SGK1: variants seen among roughly 807,000 people sequenced by gnomAD.
The protein encoded by SGK1 is serum/glucocorticoid regulated kinase 1.
SGK1 carries 26 observed loss-of-function variants against 64.2 expected under a neutral mutation model. The ratio of observed to expected loss-of-function variants is 0.40; its 90% CI spans 0.30 to 0.56. SGK1 has a LOEUF of 0.56. Ranked by LOEUF, SGK1 falls within the 20% of genes least tolerant of loss-of-function variation. The pLI, the probability that SGK1 is intolerant of heterozygous loss-of-function variation, is 0.38. For missense variants in SGK1, 519 were observed against 645.6 expected (o/e 0.80, Z 2.12); for synonymous variants, 265 against 239.7 (o/e 1.11, Z -0.98).
At chr6:134,269,799 C>G (rs912202119) in intron 1 of SGK1, among the ~76,000 whole-genome samples, 2 of 148,296 alleles carry the variant, frequency 1.3e-5, no homozygotes, top group African/African-American at 4.9e-5. Flanking sequence ...CACACTGATA[C>G]TGGAGCCTGA....
rs71003676 is a variant in SGK1 at position 134,206,338 on chromosome 6, GATATATATAT to G, written c.361+1008_361+1017del. On this transcript the variant is annotated intron_variant, in intron 3 of 13. Transcript: ENST00000367858. The stretch of plus-strand genomic sequence containing the variant: ...CACAATCCACAAAGCTGTACCTGAT[GATATATATAT>G]ATATATATATATATATATATATATA... Among the ~76,000 whole-genome samples, 180 of 32,586 alleles carry G rather than the reference GATATATATAT, an allele frequency of 5.5e-3. 1 individual carries two copies. Among genetic ancestry groups the G allele is most frequent in the African/African-American group, 0.012 (146 of 11,750 alleles). 21.4% of individuals were successfully genotyped at this position (32,586 alleles called of 152,430 possible).
intron 3 of SGK1, among the ~76,000 whole-genome samples, chr6:134,192,184 C>G (rs1057054216): frequency 2.0e-5 from 3 of 151,960 alleles, no homozygotes; most frequent in African/African-American, 7.2e-5. Context: ...GGGCTGGTCT[C>G]CAACTCCTGA....
chr6:134,286,442 C>T (rs948050492), intron 1 of SGK1, among the ~76,000 whole-genome samples: 1 of 151,830 alleles, frequency 6.6e-6, no homozygotes, highest in Middle Eastern at 3.4e-3. Context: ...GGTGACAGAG[C>T]ACAGAGCAAG....
At chr6:134,198,685 C>T (rs144471361) in intron 3 of SGK1, among the ~76,000 whole-genome samples, 1,731 of 142,094 alleles carry the variant, frequency 0.012, 20 homozygotes, top group Middle Eastern at 0.082. Flanking sequence ...TATGGATATA[C>T]CACTTTATAG....
chr6:134,174,344 A>G (rs1297466140), intron 4 of SGK1, 167 bp downstream of exon 4: 3 of 625,584 alleles, frequency 4.8e-6, no homozygotes, highest in Non-Finnish European at 8.3e-6. Context: ...AAATCAGCAA[A>G]TTAACTTTAA....
chr6:134,172,697 G>A lies in SGK1; in HGVS notation c.912C>T (p.Ala304=). Residue 304 remains alanine (A), a synonymous_variant, in exon 9 of 14, where the codon GCC becomes GCT. Coordinates refer to ENST00000367858, the MANE Select transcript of SGK1 (RefSeq NM_001143676.3). ...TGTTCAGTGAATGCAGGTAGCCCAA[G>A]GCACTGGCTATTTCAGCAGCATAGA... The part of the protein sequence containing the change: ...ARFYAAEIAS[A]LGYLHSLNIV... 1 of 1,613,726 alleles carries A rather than the reference G, an allele frequency of 6.2e-7. No individual in the cohort carries two copies. Among genetic ancestry groups the A allele is most frequent in the Non-Finnish European group, 8.5e-7 (1 of 1,179,610 alleles).
At chr6:134,219,262 T>C (rs572393930) in intron 2 of SGK1, among the ~76,000 whole-genome samples, 2 of 152,134 alleles carry the variant, frequency 1.3e-5, no homozygotes, top group South Asian at 4.1e-4. Context: ...TCCACCCGCC[T>C]TGGCCTCCCA....
In SGK1 at chr6:134,232,449, A is replaced by AAG. The variant is rs1457959926; in HGVS notation, c.286-25020_286-25019dup. Among the ~76,000 whole-genome samples the AAG allele has an allele frequency of 6.8e-5, 4 of 58,798 alleles. 1 individual carries two copies. Among genetic ancestry groups the AAG allele is most frequent in the African/African-American group, 2.2e-4 (4 of 18,298 alleles). 38.6% of individuals were successfully genotyped at this position (58,798 alleles called of 152,430 possible). ...AAAGAAAGAAAGAAAGAAAGAAAGA[A>AAG]AGAAAGAAAGAAAGAAAGAAAGAAA... On this transcript the variant is annotated intron_variant, in intron 2 of 13. Coordinates refer to ENST00000367858, the MANE Select transcript of SGK1 (RefSeq NM_001143676.3).
chr6:134,219,232 GAACAC>G (rs1776039258), intron 2 of SGK1, among the ~76,000 whole-genome samples: 1 of 151,682 alleles, frequency 6.6e-6, no homozygotes, highest in South Asian at 2.1e-4. Flanking sequence ...GGCTGGTCTT[GAACAC>G]CTGACTTCAA....
intron 1 of SGK1, among the ~76,000 whole-genome samples, chr6:134,266,606 ACT>A (rs1006967818): frequency 6.6e-5 from 10 of 151,910 alleles, no homozygotes; most frequent in African/African-American, 2.4e-4. Flanking sequence ...AAAGAAGGAG[ACT>A]CTGTCTCAAA....
chr6:134,294,234 A>G (rs1777307525), intron 1 of SGK1, among the ~76,000 whole-genome samples: 1 of 152,120 alleles, frequency 6.6e-6, no homozygotes, highest in African/African-American at 2.4e-5. Flanking sequence ...TTGTGATGAA[A>G]TATACATCAC....
At chr6:134,252,025 G>C (rs554738785) in intron 2 of SGK1, among the ~76,000 whole-genome samples, 4 of 152,294 alleles carry the variant, frequency 2.6e-5, no homozygotes, top group African/African-American at 9.6e-5. Context: ...CCAAAGTGTT[G>C]CGATAACAGG....
At chr6:134,208,384 T>C (rs1450111503) in intron 2 of SGK1, among the ~76,000 whole-genome samples, 1 of 152,170 alleles carries the variant, frequency 6.6e-6, no homozygotes. Context: ...TTTTCATTTT[T>C]AAAAAAATTT....
rs138778109 is a variant in SGK1, at chr6:134,216,926, C to T, written c.286-9495G>A. 1.8e-3 allele frequency among the ~76,000 whole-genome samples: 267 copies of T among 152,230 alleles called. 4 individuals carry two copies. Among genetic ancestry groups the T allele is most frequent in the Non-Finnish European group, 1.3e-3 (89 of 68,014 alleles). On this transcript the variant is annotated intron_variant, in intron 2 of 13. Coordinates refer to ENST00000367858, the MANE Select transcript of SGK1 (RefSeq NM_001143676.3). ...CTCAACAAGGCACATTTGGGCAACA[C>T]TTGGTTGAGCAATTCCATGGGAGTG...
At chr6:134,286,124 A>G (rs1777179614) in intron 1 of SGK1, among the ~76,000 whole-genome samples, 1 of 152,240 alleles carries the variant, frequency 6.6e-6, no homozygotes, top group African/African-American at 2.4e-5. Flanking sequence ...CTAATATTTT[A>G]ATCTATTTAT....
intron 2 of SGK1, among the ~76,000 whole-genome samples, chr6:134,219,615 C>T (rs2114700119): frequency 6.6e-6 from 1 of 151,728 alleles, no homozygotes; most frequent in East Asian, 2.0e-4. Context: ...ATAAAAATAG[C>T]CGGGCGTAGT....
chr6:134,214,638 T>C (rs890684263), intron 2 of SGK1, among the ~76,000 whole-genome samples: 1 of 64,552 alleles, frequency 1.5e-5, no homozygotes, highest in African/African-American at 4.4e-5. Flanking sequence ...AATGACAGCA[T>C]GTACATTCTG....
intron 2 of SGK1, among the ~76,000 whole-genome samples, chr6:134,232,489 GAAAA>G (rs1253878233): frequency 3.4e-5 from 4 of 118,318 alleles, no homozygotes; most frequent in African/African-American, 1.3e-4. Flanking sequence ...GAAAGAGAAA[GAAAA>G]AGAAAAGAAA....
Position 134,266,650 on chromosome 6 carries a change from C to T in SGK1, c.70-4502G>A, listed in dbSNP as rs552166040. Among the ~76,000 whole-genome samples, 8 of 152,180 alleles carry T rather than the reference C, an allele frequency of 5.3e-5. No homozygotes were observed. In the East Asian group the frequency reaches 1.5e-3, roughly 29 times the overall value. On this transcript the variant is annotated intron_variant, in intron 1 of 13. Transcript: ENST00000367858. ...AAAATATCTTTTTGAGTTTACTATCCTAAAGTTAAAATTTTGGGTTTCCTT... is the reference window on the plus strand; with the variant it reads ...AAAATATCTTTTTGAGTTTACTATCTTAAAGTTAAAATTTTGGGTTTCCTT...
Sources: gnomAD v4.1 joint callset for allele counts (sites outside exome capture counted in the v4.1 genomes callset) on GRCh38, gnomAD v4.1.1 for gene constraint, MANE v1.5 for transcripts, NCBI Gene and HGNC (gene_info 2026-07-23, HGNC 2026-07-21) for gene names.